Variants in ALG8 observed in about 807,000 individuals in gnomAD.
ALG8 encodes the protein ALG8 alpha-1,3-glucosyltransferase.
In ALG8, 48 loss-of-function variants were observed where a neutral mutation model predicts 70.2. The observed-to-expected ratio is 0.68, with a 90% CI of 0.54 to 0.87. ALG8 has a LOEUF of 0.87. Ranked by LOEUF, ALG8 falls within the 40% of genes least tolerant of loss-of-function variation. ALG8 has a pLI of 0.00. For missense variants in ALG8, 572 were observed against 608.7 expected, an observed-to-expected ratio of 0.94 and a Z score of 0.64; for synonymous variants, 234 against 229.0, an observed-to-expected ratio of 1.02 and a Z score of -0.20.
intron 3 of ALG8, among the ~76,000 whole-genome samples, chr11:78,122,626 G>A (rs1197223205): frequency 1.3e-5 from 2 of 152,294 alleles, no homozygotes; most frequent in South Asian, 2.1e-4. Context: ...AAAGGCATGA[G>A]ACACTATGCC....
intron 5 of ALG8, among the ~76,000 whole-genome samples, chr11:78,118,680 A>C (rs655817): frequency 0.14 from 21,694 of 151,130 alleles, 1,687 homozygotes; most frequent in East Asian, 0.28. Flanking sequence ...ACAGGGGCTC[A>C]TGCTTATAAT....
intron 10 of ALG8, among the ~76,000 whole-genome samples, chr11:78,106,374 T>C (rs1175943553): frequency 6.6e-6 from 1 of 152,066 alleles, no homozygotes; most frequent in Non-Finnish European, 1.5e-5. Flanking sequence ...ATTTTTTGTA[T>C]TTTTAGTAGA....
At chr11:78,138,098 C>T (rs1861622640) in intron 1 of ALG8, among the ~76,000 whole-genome samples, 1 of 152,122 alleles carries the variant, frequency 6.6e-6, no homozygotes, top group African/African-American at 2.4e-5. Flanking sequence ...GTAATCCCAA[C>T]ATTATGGGAG....
intron 5 of ALG8, among the ~76,000 whole-genome samples, chr11:78,117,149 C>T (rs1860611208): frequency 1.3e-5 from 2 of 151,942 alleles, no homozygotes; most frequent in South Asian, 2.1e-4. Flanking sequence ...GGTAAGTAGC[C>T]CCATTTTACA....
chr11:78,104,738 A>G (rs1007872960), intron 10 of ALG8, among the ~76,000 whole-genome samples: 2 of 152,016 alleles, frequency 1.3e-5, no homozygotes, highest in African/African-American at 4.8e-5. Flanking sequence ...CCGAGGCGGG[A>G]GGATCACCTG....
At chr11:78,125,787 T>G (rs1473298914) in intron 2 of ALG8, among the ~76,000 whole-genome samples, 1 of 148,302 alleles carries the variant, frequency 6.7e-6, no homozygotes, top group Non-Finnish European at 1.5e-5. Context: ...CCGGCCTGGG[T>G]GAGAGTGAGA....
chr11:78,139,220 C>A (rs1024644772), intron 1 of ALG8: 7 of 487,162 alleles, frequency 1.4e-5, no homozygotes, highest in African/African-American at 7.8e-5. Flanking sequence ...CTGTTGGAGG[C>A]AGAGGTTCTT....
intron 12 of ALG8, chr11:78,102,951 CAAAA>C (rs35218171): frequency 1.1e-4 from 13 of 119,646 alleles, no homozygotes; most frequent in South Asian, 2.7e-4. Context: ...AACTCCGTCT[CAAAA>C]AAAAAAAAAA....
At chr11:78,134,628 T>C (rs1227690086) in intron 1 of ALG8, among the ~76,000 whole-genome samples, 3 of 152,242 alleles carry the variant, frequency 2.0e-5, no homozygotes, top group African/African-American at 7.2e-5. Context: ...TTATATAATA[T>C]TCTAAATCCT....
chr11:78,118,716 G>A (rs1188431163), intron 5 of ALG8, among the ~76,000 whole-genome samples: 1 of 152,014 alleles, frequency 6.6e-6, no homozygotes, highest in African/African-American at 2.4e-5. Context: ...GGCCGAGGCA[G>A]GAGGATCACT....
At chr11:78,110,117 C>T (rs1159748984) in intron 8 of ALG8, among the ~76,000 whole-genome samples, 1 of 152,202 alleles carries the variant, frequency 6.6e-6, no homozygotes, top group Admixed American at 6.5e-5. Context: ...GCCAAATTAA[C>T]TTCTAATTCA....
chr11:78,138,997 A>G (rs897715033), intron 1 of ALG8: 1 of 343,992 alleles, frequency 2.9e-6, no homozygotes, highest in Non-Finnish European at 5.7e-6. Context: ...TCATTTTTTG[A>G]ATTTCAACTC....
At chr11:78,134,304 A>G (rs775703711) in intron 1 of ALG8, among the ~76,000 whole-genome samples, 5 of 151,960 alleles carry the variant, frequency 3.3e-5, no homozygotes, top group Admixed American at 6.6e-5. Flanking sequence ...CACTTGGCTA[A>G]TTTTTGTATA....
rs777557874 is a variant in ALG8 at position 78,101,085 on chromosome 11, T to C, written c.1460A>G (p.Tyr487Cys). 1.7e-4 allele frequency: 269 copies of C among 1,613,964 alleles called. 1 individual carries two copies. The South Asian group carries it at 2.6e-3, about 15-fold the overall frequency. Residue 487 changes from tyrosine (Y) to cysteine (C), a missense_variant, in exon 13 of 13, where the codon TAC (tyrosine) becomes TGC (cysteine). Physicochemically the swap from Tyr to Cys is radical, Grantham distance 194. Coordinates refer to ENST00000299626, the MANE Select transcript of ALG8 (RefSeq NM_024079.5). ...VFPFTSWKVKYPFIPLLLTSV... is the reference protein window; with the variant it reads ...VFPFTSWKVKCPFIPLLLTSV... The stretch of plus-strand genomic sequence containing the variant: ...GGTTAGTAACAAAGGGATGAAGGGG[T>C]ACTTCACCTTCCAGGAGGTGAAAGG...
intron 2 of ALG8, among the ~76,000 whole-genome samples, chr11:78,125,196 CTAA>C: frequency 6.6e-6 from 1 of 151,884 alleles, no homozygotes; most frequent in East Asian, 2.0e-4. Context: ...CCACACCCGG[CTAA>C]TTTTTTGTAT....
intron 1 of ALG8, chr11:78,138,710 T>C (rs1213969714): frequency 2.2e-6 from 1 of 456,374 alleles, no homozygotes; most frequent in Non-Finnish European, 4.4e-6. Context: ...GAGTACCTAC[T>C]GTATACACAC....
intron 8 of ALG8, among the ~76,000 whole-genome samples, chr11:78,110,537 T>C (rs1408971667): frequency 6.6e-6 from 1 of 152,194 alleles, no homozygotes; most frequent in Middle Eastern, 3.2e-3. Flanking sequence ...ACTGCACTTG[T>C]TTATGTGCTC....
intron 7 of ALG8, among the ~76,000 whole-genome samples, chr11:78,113,456 TA>T (rs1313245464): frequency 6.6e-6 from 1 of 152,126 alleles, no homozygotes; most frequent in African/African-American, 2.4e-5. Flanking sequence ...CTCATGCCTT[TA>T]ATCCCAGCAC....
intron 1 of ALG8, among the ~76,000 whole-genome samples, chr11:78,131,360 T>C (rs60745355): frequency 0.029 from 4,436 of 152,272 alleles, 219 homozygotes; most frequent in African/African-American, 0.1. Context: ...CCCAGTACTT[T>C]GGGAGGCCAT....
Sources: allele counts gnomAD v4.1 joint callset (sites outside exome capture counted in the v4.1 genomes callset), GRCh38; gene constraint gnomAD v4.1.1; transcripts MANE v1.5; gene names NCBI Gene and HGNC (gene_info 2026-07-23, HGNC 2026-07-21).